Variants in DMD observed in about 807,000 individuals in gnomAD.
The protein encoded by DMD is mutant dystrophin.
Under a neutral mutation model 330.1 loss-of-function variants are expected in DMD, and 63 were observed. The ratio of observed to expected loss-of-function variants is 0.19; its 90% CI spans 0.16 to 0.24. The LOEUF (loss-of-function observed/expected upper bound fraction) is 0.24. DMD is among the 10% of genes least tolerant of loss of function. The pLI is 1.00. For synonymous variants in DMD, 1,223 were observed against 959.8 expected (o/e 1.27, Z -5.07); for missense variants, 3,344 against 2,684.1 (o/e 1.25, Z -5.43).
At chrX:32,874,292 G>A (rs886068382) in intron 2 of DMD, among the ~76,000 whole-genome samples, 1 of 112,023 alleles carries the variant, frequency 8.9e-6, no homozygotes, top group Non-Finnish European at 1.9e-5. Flanking sequence ...ATTCCCCAAG[G>A]AAGTTTTCTG....
chrX:32,918,647 G>A lies in DMD; in HGVS notation c.94-68827C>T, dbSNP rs2088083807. Among the ~76,000 whole-genome samples the A allele has an allele frequency of 2.7e-5, 3 of 111,942 alleles. No individual in the cohort carries two copies. The Admixed American group carries it at 2.9e-4, about 11-fold the overall frequency. ...ATTACAGGCATGAGCCACTGCACCCGGTCAACATGTATTCTTAAACAGATT... is the reference window on the plus strand; with the variant it reads ...ATTACAGGCATGAGCCACTGCACCCAGTCAACATGTATTCTTAAACAGATT... On this transcript the variant is annotated intron_variant, in intron 2 of 78. Transcript: ENST00000357033.
At chrX:31,450,210 C>A (rs1236856364) in intron 59 of DMD, among the ~76,000 whole-genome samples, 1 of 111,642 alleles carries the variant, frequency 9.0e-6, no homozygotes, top group African/African-American at 3.3e-5. Flanking sequence ...AAATCATGTC[C>A]TATAAATACT....
At chrX:31,255,949 GT>G (rs904630395) in intron 63 of DMD, among the ~76,000 whole-genome samples, 1 of 108,687 alleles carries the variant, frequency 9.2e-6, no homozygotes, top group Non-Finnish European at 1.9e-5. Context: ...CTAATTTTTT[GT>G]TTTTTTAGTA....
chrX:31,716,856 C>CAT (rs568408993), intron 52 of DMD, among the ~76,000 whole-genome samples: 275 of 89,707 alleles, frequency 3.1e-3, no homozygotes, highest in South Asian at 5.7e-3. Context: ...CACACACACA[C>CAT]ATATATATAT....
chrX:31,499,438 T>G (rs1374837714), intron 56 of DMD, among the ~76,000 whole-genome samples: 1 of 110,405 alleles, frequency 9.1e-6, no homozygotes, highest in Non-Finnish European at 1.9e-5. Flanking sequence ...AATGAACCCC[T>G]TTAGGTCCCC....
intron 62 of DMD, among the ~76,000 whole-genome samples, chrX:31,293,522 A>G (rs2053935046): frequency 9.0e-6 from 1 of 111,099 alleles, no homozygotes; most frequent in South Asian, 3.8e-4. Context: ...AAACTACACC[A>G]TATTTTCTGA....
At chrX:32,027,688 G>C (rs2095856489) in intron 44 of DMD, among the ~76,000 whole-genome samples, 1 of 111,994 alleles carries the variant, frequency 8.9e-6, no homozygotes, top group African/African-American at 3.2e-5. Flanking sequence ...CAAAAGTTAT[G>C]TCATTTGAAA....
intron 44 of DMD, among the ~76,000 whole-genome samples, chrX:32,048,611 G>A (rs2096081294): frequency 9.1e-6 from 1 of 109,816 alleles, no homozygotes. Flanking sequence ...CCTTTACCCT[G>A]ATGATTTTTT....
intron 64 of DMD, among the ~76,000 whole-genome samples, chrX:31,212,230 T>G (rs902113397): frequency 2.4e-3 from 261 of 107,363 alleles, no homozygotes; most frequent in Non-Finnish European, 4.0e-3. Flanking sequence ...AGATATATCT[T>G]TAAAGCTACA....
At chrX:31,844,049 C>T (rs1197986298) in intron 48 of DMD, among the ~76,000 whole-genome samples, 1 of 111,305 alleles carries the variant, frequency 9.0e-6, no homozygotes. Flanking sequence ...TTAGTAGAGA[C>T]GGGGTTTCAC....
At chrX:31,846,434 TACACACACACACACACAC>T (rs67231830) in intron 48 of DMD, among the ~76,000 whole-genome samples, 8,634 of 95,361 alleles carry the variant, frequency 0.091, 270 homozygotes, top group Non-Finnish European at 0.11. Context: ...AATCAAGAAA[TACACACACACACACACAC>T]ACACACACAC....
chrX:32,508,968 G>A (rs1415047315), intron 18 of DMD, among the ~76,000 whole-genome samples: 1 of 109,361 alleles, frequency 9.1e-6, no homozygotes, highest in Non-Finnish European at 1.9e-5. Flanking sequence ...CCGCAACCAT[G>A]CCCGGCTAAT....
intron 17 of DMD, among the ~76,000 whole-genome samples, chrX:32,520,729 A>T (rs2046336704): frequency 9.0e-6 from 1 of 111,002 alleles, no homozygotes; most frequent in African/African-American, 3.3e-5. Flanking sequence ...GTTTCCTGGG[A>T]TCACTTTCCA....
intron 43 of DMD, among the ~76,000 whole-genome samples, chrX:32,252,097 C>G (rs1380425385): frequency 2.7e-5 from 3 of 111,566 alleles, no homozygotes; most frequent in Non-Finnish European, 5.7e-5. Context: ...TTTTTGTGGC[C>G]TACAATGACT....
intron 63 of DMD, among the ~76,000 whole-genome samples, chrX:31,245,484 G>A (rs1443599505): frequency 9.0e-6 from 1 of 111,664 alleles, no homozygotes; most frequent in Non-Finnish European, 1.9e-5. Context: ...GCTCATTACA[G>A]GCTCATCTCA....
intron 2 of DMD, among the ~76,000 whole-genome samples, chrX:32,937,358 G>A (rs1330457822): frequency 1.8e-5 from 2 of 109,376 alleles, no homozygotes; most frequent in East Asian, 5.7e-4. Context: ...GTCTCAACTG[G>A]AAACTGTAGG....
intron 28 of DMD, among the ~76,000 whole-genome samples, chrX:32,439,746 A>C (rs1304743288): frequency 9.0e-6 from 1 of 111,109 alleles, no homozygotes; most frequent in East Asian, 2.8e-4. Context: ...AGCCAATTTT[A>C]TGTATGTATT....
In DMD at chrX:32,975,122, G is replaced by T. The variant is rs1376535768; in HGVS notation, c.93+45017C>A. On this transcript the variant is annotated intron_variant, in intron 2 of 78. Coordinates refer to ENST00000357033, the MANE Select transcript of DMD (RefSeq NM_004006.3). ...AAAATCTGCTTATCTAGACCTTGAA[G>T]CATCATTTTTTTTTTCTGAAAATTT... Among the ~76,000 whole-genome samples the T allele has an allele frequency of 2.7e-5, 3 of 110,534 alleles. No homozygotes were observed. In the East Asian group the frequency reaches 8.6e-4, roughly 32 times the overall value.
At chrX:33,111,765 C>T (rs1272007601) in intron 1 of DMD, among the ~76,000 whole-genome samples, 2 of 110,562 alleles carry the variant, frequency 1.8e-5, no homozygotes, top group Non-Finnish European at 3.8e-5. Context: ...TGCCACCACG[C>T]CCGGCTGATT....
Sources: allele counts gnomAD v4.1 joint callset (sites outside exome capture counted in the v4.1 genomes callset), GRCh38; gene constraint gnomAD v4.1.1; transcripts MANE v1.5; gene names NCBI Gene and HGNC (gene_info 2026-07-23, HGNC 2026-07-21).